The following NXPH1 variants were observed in gnomAD, a reference collection of about 807,000 sequenced individuals.
NXPH1 encodes the protein neurexophilin-1.
NXPH1 carries 5 observed loss-of-function variants against 23.7 expected under a neutral mutation model. The ratio of observed to expected loss-of-function variants is 0.21; its 90% confidence interval spans 0.11 to 0.44. NXPH1 has a LOEUF of 0.44. Ranked by LOEUF, NXPH1 falls within the 20% of genes least tolerant of loss-of-function variation. The pLI is 0.99. For missense variants in NXPH1, 324 were observed against 321.6 expected (o/e 1.01, Z -0.06); for synonymous variants, 144 against 122.2 (o/e 1.18, Z -1.18).
chr7:8,655,433 T>TA (rs1562444308), intron 2 of NXPH1, among the ~76,000 whole-genome samples: 3 of 58,874 alleles, frequency 5.1e-5, no homozygotes, highest in East Asian at 5.3e-3. Context: ...TCTCTCTCTC[T>TA]CTCTCTCTCT....
intron 2 of NXPH1, among the ~76,000 whole-genome samples, chr7:8,439,420 A>G (rs7786127): frequency 0.035 from 5,318 of 152,236 alleles, 280 homozygotes; most frequent in African/African-American, 0.12. Context: ...GGTGAGTCTA[A>G]TGAGCACTTT....
intron 2 of NXPH1, among the ~76,000 whole-genome samples, chr7:8,440,981 G>A (rs1816285990): frequency 6.6e-6 from 1 of 152,190 alleles, no homozygotes; most frequent in Non-Finnish European, 1.5e-5. Context: ...AGTGATGGAA[G>A]CTCTGAAAGT....
intron 2 of NXPH1, among the ~76,000 whole-genome samples, chr7:8,590,795 G>GT (rs150811025): frequency 0.06 from 9,109 of 151,914 alleles, 843 homozygotes; most frequent in African/African-American, 0.2. Context: ...TATTTATTTA[G>GT]TTTTTTTGCT....
chr7:8,501,657 G>C (rs1563329097), intron 2 of NXPH1, among the ~76,000 whole-genome samples: 1 of 152,042 alleles, frequency 6.6e-6, no homozygotes, highest in Non-Finnish European at 1.5e-5. Context: ...ACTGGGAATG[G>C]TGTAGCAATT....
chr7:8,590,241 C>A (rs1168450703), intron 2 of NXPH1, among the ~76,000 whole-genome samples: 1 of 152,096 alleles, frequency 6.6e-6, no homozygotes, highest in Non-Finnish European at 1.5e-5. Context: ...CGAAACTCTG[C>A]ATCCAGAGTT....
intron 2 of NXPH1, among the ~76,000 whole-genome samples, chr7:8,633,669 A>T (rs1820170366): frequency 6.6e-6 from 1 of 152,196 alleles, no homozygotes; most frequent in Non-Finnish European, 1.5e-5. Flanking sequence ...GCAAAAAATA[A>T]TTGCCAATTA....
chr7:8,580,277 T>TCACA (rs1188851364), intron 2 of NXPH1, among the ~76,000 whole-genome samples: 1 of 152,164 alleles, frequency 6.6e-6, no homozygotes, highest in Non-Finnish European at 1.5e-5. Flanking sequence ...GAGGAGATAG[T>TCACA]CACAGGCTGC....
intron 2 of NXPH1, among the ~76,000 whole-genome samples, chr7:8,640,545 T>C (rs966160743): frequency 6.6e-6 from 1 of 152,146 alleles, no homozygotes; most frequent in African/African-American, 2.4e-5. Context: ...AATCTTAAAA[T>C]GAATTGGCTT....
At chr7:8,715,153 G>A (rs1351182771) in intron 2 of NXPH1, among the ~76,000 whole-genome samples, 1 of 152,132 alleles carries the variant, frequency 6.6e-6, no homozygotes, top group African/African-American at 2.4e-5. Context: ...TCTGGCTATG[G>A]CTGGTCCAAA....
intron 2 of NXPH1, among the ~76,000 whole-genome samples, chr7:8,648,858 GT>G (rs140229032): frequency 0.036 from 5,438 of 151,900 alleles, 340 homozygotes; most frequent in African/African-American, 0.12. Flanking sequence ...TCTTATTGTA[GT>G]TTTTTAAAAA....
chr7:8,504,330 C>T (rs1307979524), intron 2 of NXPH1, among the ~76,000 whole-genome samples: 1 of 151,334 alleles, frequency 6.6e-6, no homozygotes, highest in East Asian at 1.9e-4. Context: ...TTCTTGTTTC[C>T]TTTCTTTCAT....
At chr7:8,441,696 CG>C (rs1471114270) in intron 2 of NXPH1, among the ~76,000 whole-genome samples, 2 of 152,142 alleles carry the variant, frequency 1.3e-5, no homozygotes, top group Non-Finnish European at 2.9e-5. Flanking sequence ...TTTCCAAGAG[CG>C]GCTTTTTATT....
At chr7:8,498,457 A>G (rs553254731) in intron 2 of NXPH1, among the ~76,000 whole-genome samples, 18 of 152,202 alleles carry the variant, frequency 1.2e-4, no homozygotes, top group African/African-American at 4.3e-4. Context: ...CCTACTTTTG[A>G]AAAGGTTTCT....
chr7:8,576,671 C>T (rs774918627), intron 2 of NXPH1, among the ~76,000 whole-genome samples: 1 of 151,470 alleles, frequency 6.6e-6, no homozygotes, highest in Admixed American at 6.6e-5. Context: ...GTGGAACAGA[C>T]AGTAGAAAAA....
chr7:8,473,480 G>C (rs117688831), intron 2 of NXPH1, among the ~76,000 whole-genome samples: 2 of 152,144 alleles, frequency 1.3e-5, no homozygotes, highest in Non-Finnish European at 2.9e-5. Flanking sequence ...ACTGGCATGC[G>C]GGTGTGAGGC....
At chr7:8,496,842 A>G (rs565854659) in intron 2 of NXPH1, among the ~76,000 whole-genome samples, 7 of 152,232 alleles carry the variant, frequency 4.6e-5, no homozygotes, top group African/African-American at 1.7e-4. Context: ...TAATAAATAT[A>G]AAGGAGGTAG....
At chr7:8,526,051 C>T (rs1817856480) in intron 2 of NXPH1, among the ~76,000 whole-genome samples, 1 of 152,208 alleles carries the variant, frequency 6.6e-6, no homozygotes, top group Non-Finnish European at 1.5e-5. Context: ...TGTAGACATT[C>T]AATGCCAGCC....
chr7:8,544,803 C>T (rs1002313930), intron 2 of NXPH1, among the ~76,000 whole-genome samples: 1 of 151,496 alleles, frequency 6.6e-6, no homozygotes, highest in African/African-American at 2.4e-5. Context: ...ATTTGTTTTG[C>T]AGAATTTTCA....
chr7:8,528,278 C>T (rs563926837), intron 2 of NXPH1, among the ~76,000 whole-genome samples: 27 of 152,342 alleles, frequency 1.8e-4, no homozygotes, highest in Admixed American at 6.5e-5. Flanking sequence ...CTCCATGGTA[C>T]CTGGGCTGCT....
Sources: gnomAD v4.1 joint callset for allele counts (sites outside exome capture counted in the v4.1 genomes callset) on GRCh38, gnomAD v4.1.1 for gene constraint, MANE v1.5 for transcripts, NCBI Gene and HGNC (gene_info 2026-07-23, HGNC 2026-07-21) for gene names.